PCDH15: variants seen among roughly 807,000 people sequenced by gnomAD.
PCDH15 encodes protocadherin related 15, also known as protocadherin-15.
PCDH15 carries 129 observed loss-of-function variants against 178.5 expected under a neutral mutation model. The ratio of observed to expected loss-of-function variants is 0.72; its 90% confidence interval spans 0.63 to 0.84. The LOEUF (loss-of-function observed/expected upper bound fraction) is 0.84, where lower values mean the gene tolerates loss of function less well. Among genes scored for constraint, PCDH15 ranks in the 40% least tolerant of loss-of-function variants. The pLI is 0.00. For missense variants in PCDH15, 2,230 were observed against 2,099.9 expected (o/e 1.06, Z -1.21); for synonymous variants, 800 against 732.0 (o/e 1.09, Z -1.50).
rs539297540 is a variant in PCDH15 at position 54,940,360 on chromosome 10, C to T, written c.-79-42860G>A. Reference sequence around the variant, plus strand: ...ATTTTCTCAGTTTTGCTCTGTTGTTCGTTTTTTATTTAGTTCTATTTTGGT... The same window carrying T: ...ATTTTCTCAGTTTTGCTCTGTTGTTTGTTTTTTATTTAGTTCTATTTTGGT... On this transcript the variant is annotated intron_variant, in intron 2 of 5. Coordinates refer to the PCDH15 transcript ENST00000458638. 8.6e-5 allele frequency among the ~76,000 whole-genome samples: 13 copies of T among 151,826 alleles called. No individual in the cohort carries two copies. The East Asian group carries it at 1.7e-3, about 20-fold the overall frequency.
chr10:53,999,497 A>C (rs372264593), intron 20 of PCDH15, among the ~76,000 whole-genome samples: 1 of 152,190 alleles, frequency 6.6e-6, no homozygotes, highest in African/African-American at 2.4e-5. Flanking sequence ...TCTGCAGCTA[A>C]AGAAAATATT....
At chr10:55,581,074 A>G (rs1282142260) in intron 2 of PCDH15, among the ~76,000 whole-genome samples, 1 of 152,216 alleles carries the variant, frequency 6.6e-6, no homozygotes, top group East Asian at 1.9e-4. Context: ...CTAAAATTTT[A>G]TACAATATTT....
intron 1 of PCDH15, among the ~76,000 whole-genome samples, chr10:54,775,500 T>G (rs1949588295): frequency 6.6e-6 from 1 of 152,220 alleles, no homozygotes; most frequent in Admixed American, 6.5e-5. Flanking sequence ...TTTAGTATCT[T>G]CTAGCTATTT....
chr10:54,969,420 T>G (rs1838877466), intron 2 of PCDH15, among the ~76,000 whole-genome samples: 1 of 152,204 alleles, frequency 6.6e-6, no homozygotes. Context: ...CCCTGGCCAG[T>G]TAGAATATAA....
At chr10:54,841,205 A>G (rs1953411832) in intron 3 of PCDH15, among the ~76,000 whole-genome samples, 1 of 151,902 alleles carries the variant, frequency 6.6e-6, no homozygotes, top group African/African-American at 2.4e-5. Flanking sequence ...AAAGACAGAA[A>G]TTATATGAAG....
At chr10:54,360,282 C>T (rs940323955) in intron 5 of PCDH15, among the ~76,000 whole-genome samples, 2 of 152,096 alleles carry the variant, frequency 1.3e-5, no homozygotes, top group Non-Finnish European at 2.9e-5. Context: ...TTCCCATTTT[C>T]CCACATATGA....
At chr10:55,419,403 T>C (rs1838564184) in intron 2 of PCDH15, among the ~76,000 whole-genome samples, 1 of 151,760 alleles carries the variant, frequency 6.6e-6, no homozygotes, top group Non-Finnish European at 1.5e-5. Flanking sequence ...AAACCATCTA[T>C]TAAACAGCAA....
At chr10:53,823,428 T>C in intron 32 of PCDH15, 1 of 1,395,252 alleles carries the variant, frequency 7.2e-7, no homozygotes, top group Non-Finnish European at 1.0e-6. Flanking sequence ...GAAAGATGTT[T>C]TTATGGCTCT....
intron 18 of PCDH15, among the ~76,000 whole-genome samples, chr10:54,039,718 G>A (rs1475466750): frequency 6.6e-6 from 1 of 151,856 alleles, no homozygotes; most frequent in Non-Finnish European, 1.5e-5. Flanking sequence ...TCATTCTCCT[G>A]CTGCTAAAAT....
At position 55,315,099 on chromosome 10, in the gene PCDH15, T is replaced by C. The variant is rs372788568; in HGVS notation, c.-156+4500A>G. ...CTATATAGTTTTAGACTTATTCTTC[T>C]AGTTAATATATATGTGAACATACTT... On this transcript the variant is annotated intron_variant, in intron 1 of 5. Coordinates refer to the PCDH15 transcript ENST00000458638. Among the ~76,000 whole-genome samples, 44 of 152,250 alleles carry C rather than the reference T, an allele frequency of 2.9e-4. No individual in the cohort carries two copies. In the South Asian group the frequency reaches 8.1e-3, roughly 28 times the overall value.
intron 3 of PCDH15, among the ~76,000 whole-genome samples, chr10:54,391,309 C>T (rs1950521197): frequency 6.6e-6 from 1 of 152,118 alleles, no homozygotes; most frequent in African/African-American, 2.4e-5. Context: ...TGTGAATCTC[C>T]CACCTCCACG....
Position 54,185,332 on chromosome 10 carries a change from T to C in PCDH15, c.1306-64A>G, listed in dbSNP as rs899142573. ...ATAATGTAGCTATTAGTTCATTACC[T>C]AGAAGTTAATGTTTGAAATTTATAG... On this transcript the variant is annotated intron_variant, in intron 11 of 37. Transcript: ENST00000644397. 13 of 1,578,876 alleles carry C rather than the reference T, an allele frequency of 8.2e-6. No homozygotes were observed. The African/African-American group carries it at 1.8e-4, about 21-fold the overall frequency.
At chr10:53,987,113 G>A (rs1016598393) in intron 21 of PCDH15, among the ~76,000 whole-genome samples, 2 of 151,950 alleles carry the variant, frequency 1.3e-5, no homozygotes, top group Non-Finnish European at 2.9e-5. Flanking sequence ...ATATATACTA[G>A]TAAAAAACTT....
intron 26 of PCDH15, among the ~76,000 whole-genome samples, chr10:53,889,252 A>G (rs996944589): frequency 3.3e-5 from 5 of 152,070 alleles, no homozygotes; most frequent in African/African-American, 1.2e-4. Context: ...AGCATAAAAA[A>G]TAGGGTGAAA....
At chr10:54,409,140 G>T (rs1183734367) in intron 3 of PCDH15, among the ~76,000 whole-genome samples, 1 of 152,062 alleles carries the variant, frequency 6.6e-6, no homozygotes, top group Non-Finnish European at 1.5e-5. Flanking sequence ...CATGTATTTT[G>T]CGTTTTGCCA....
At chr10:55,248,928 T>G (rs570579029) in intron 1 of PCDH15, among the ~76,000 whole-genome samples, 1 of 152,270 alleles carries the variant, frequency 6.6e-6, no homozygotes, top group South Asian at 2.1e-4. Context: ...TTTAAAGGAC[T>G]TGACAAATTG....
At chr10:54,093,100 T>A (rs1252116043) in intron 15 of PCDH15, among the ~76,000 whole-genome samples, 5 of 152,126 alleles carry the variant, frequency 3.3e-5, no homozygotes, top group African/African-American at 1.2e-4. Flanking sequence ...TTATTATTTT[T>A]ATGTTAATTC....
In PCDH15 at chr10:54,757,503, G is replaced by A. The variant is rs1282269220; in HGVS notation, c.-29+43422C>T. Among the ~76,000 whole-genome samples, 5 of 34,250 alleles carry A rather than the reference G, an allele frequency of 1.5e-4. 1 individual carries two copies. The highest frequency in any genetic ancestry group is 1.4e-3 in the East Asian group (5 of 3,486). The allele number at this position is 34,250 out of a possible 152,430, so 22.5% of individuals were successfully genotyped here. A position where few individuals can be genotyped will look rare whatever the true frequency, so the allele number is the denominator to read the frequency against. ...TCACCGTGTCAGCCAGGATGGTCTCGATCTCCTGACCTCGTGATCCGCCCG... is the reference window on the plus strand; with the variant it reads ...TCACCGTGTCAGCCAGGATGGTCTCAATCTCCTGACCTCGTGATCCGCCCG... On this transcript the variant is annotated intron_variant, in intron 1 of 37. Coordinates refer to ENST00000644397, the MANE Select transcript of PCDH15 (RefSeq NM_001384140.1).
intron 26 of PCDH15, 48 bp from the exon 27 acceptor site, chr10:53,866,905 T>A: frequency 7.5e-7 from 1 of 1,341,838 alleles, no homozygotes; most frequent in South Asian, 1.2e-5. Context: ...CAGGAAAAGA[T>A]AACCCTTATG....
Sources: gnomAD v4.1 joint callset for allele counts (sites outside exome capture counted in the v4.1 genomes callset) on GRCh38, gnomAD v4.1.1 for gene constraint, MANE v1.5 for transcripts, NCBI Gene and HGNC (gene_info 2026-07-23, HGNC 2026-07-21) for gene names.